The following PIK3C2A variants were observed in gnomAD, a reference collection of about 807,000 sequenced individuals.
PIK3C2A encodes the protein phosphatidylinositol 4-phosphate 3-kinase C2 domain-containing subunit alpha.
A neutral mutation model predicts 204.5 loss-of-function variants in PIK3C2A; 97 were observed. The ratio of observed to expected loss-of-function variants is 0.47; its 90% CI spans 0.40 to 0.56. The LOEUF is 0.56. PIK3C2A is among the 20% of genes least tolerant of loss of function. The pLI, the probability that PIK3C2A is intolerant of heterozygous loss-of-function variation, is 0.00. For missense variants in PIK3C2A, 1,735 were observed against 1,969.2 expected (o/e 0.88, Z 2.25); for synonymous variants, 653 against 664.4 (o/e 0.98, Z 0.26).
intron 1 of PIK3C2A, among the ~76,000 whole-genome samples, chr11:17,196,849 C>G (rs550818733): frequency 6.6e-6 from 1 of 151,874 alleles, no homozygotes; most frequent in East Asian, 1.9e-4. Context: ...GGATTACAGG[C>G]GTGAGAGGCG....
chr11:17,111,882 CAAAAAAA>C (rs201931743), intron 21 of PIK3C2A, among the ~76,000 whole-genome samples: 11 of 31,446 alleles, frequency 3.5e-4, no homozygotes, highest in African/African-American at 1.2e-3. Flanking sequence ...GTCTCCAAAA[CAAAAAAA>C]AAAAAAAAAA....
intron 27 of PIK3C2A, among the ~76,000 whole-genome samples, 156 bp from the exon 28 acceptor site, chr11:17,094,541 T>C (rs1223977433): frequency 3.3e-5 from 5 of 151,928 alleles, no homozygotes; most frequent in Non-Finnish European, 4.4e-5. Flanking sequence ...CTGGGCAACA[T>C]AGTAAAAGCA....
Position 17,197,173 on chromosome 11 carries a change from A to G in PIK3C2A, c.-66+10675T>C, listed in dbSNP as rs190483521. The stretch of plus-strand genomic sequence containing the variant: ...GTAGCTGGGATTATAGGCGAGCACC[A>G]CCATGCCTGGCTAATTTTTTATTTT... On this transcript the variant is annotated intron_variant, in intron 1 of 32. Transcript: ENST00000691414. Among the ~76,000 whole-genome samples, 531 of 152,090 alleles carry G rather than the reference A, an allele frequency of 3.5e-3. 2 individuals carry two copies. The highest frequency in any genetic ancestry group is 6.0e-3 in the Non-Finnish European group (407 of 67,978).
chr11:17,111,066 C>A (rs554604162), intron 21 of PIK3C2A, among the ~76,000 whole-genome samples: 25 of 152,122 alleles, frequency 1.6e-4, no homozygotes, highest in Admixed American at 1.4e-3. Flanking sequence ...TGCCACCACA[C>A]CTGGCTAATT....
At chr11:17,141,536 A>G (rs1479242401) in intron 8 of PIK3C2A, among the ~76,000 whole-genome samples, 1 of 152,224 alleles carries the variant, frequency 6.6e-6, no homozygotes, top group East Asian at 1.9e-4. Context: ...TTGGAAAACT[A>G]GACTAAGTAA....
chr11:17,204,190 A>G (rs1417258300), intron 1 of PIK3C2A: 1 of 152,224 alleles, frequency 6.6e-6, no homozygotes, highest in African/African-American at 2.4e-5. Flanking sequence ...GGCAGTTACT[A>G]GTTACATGGA....
At chr11:17,157,235 G>A (rs1433948692) in intron 2 of PIK3C2A, among the ~76,000 whole-genome samples, 1 of 151,946 alleles carries the variant, frequency 6.6e-6, no homozygotes, top group Non-Finnish European at 1.5e-5. Flanking sequence ...CAAGGCAGGC[G>A]GATCACCTGA....
Position 17,118,684 on chromosome 11 carries a change from C to T in PIK3C2A, c.2996G>A (p.Arg999Lys). 6 of 1,565,488 alleles carry T rather than the reference C, an allele frequency of 3.8e-6. No individual in the cohort carries two copies. Among genetic ancestry groups the T allele is most frequent in the Non-Finnish European group, 4.4e-6 (5 of 1,138,092 alleles). The change falls in exon 18 of 33, where the codon AGG (arginine) becomes AAG (lysine). Residue 999 changes from arginine to lysine, a missense_variant. Physicochemically the swap from Arg to Lys is conservative, Grantham distance 26. Coordinates refer to ENST00000691414, the MANE Select transcript of PIK3C2A (RefSeq NM_002645.4). ...TGCTATCTGGATATTTCCCAATGCC[C>T]TGGACAAAAGGAATTGCACTAATGA... ...NSSLVQFLLS[R>K]ALGNIQIAHN...
At chr11:17,159,567 T>A (rs1162326841) in intron 2 of PIK3C2A, among the ~76,000 whole-genome samples, 1 of 152,194 alleles carries the variant, frequency 6.6e-6, no homozygotes, top group Non-Finnish European at 1.5e-5. Flanking sequence ...GAACTCACTC[T>A]CTCTGTTAAC....
Position 17,148,706 on chromosome 11 carries a change from T to C in PIK3C2A, c.1409A>G (p.Tyr470Cys). 1.9e-6 allele frequency: 3 copies of C among 1,613,494 alleles called. No individual in the cohort carries two copies. The highest frequency in any genetic ancestry group is 1.1e-5 in the South Asian group (1 of 91,040). The change falls in exon 5 of 33, where the codon TAT becomes TGT. Residue 470 changes from tyrosine to cysteine, a missense_variant. By Grantham distance (194) the Tyr-to-Cys change is radical (BLOSUM62 -2). Transcript: ENST00000691414. ...CTCTTGACCACAAACTTTTAGAACA[T>C]AGCTGCCAACATCTACTTGATTCAA... ...DDLNQVDVGSYVLKVCGQEEV... is the reference protein window; with the variant it reads ...DDLNQVDVGSCVLKVCGQEEV...
intron 2 of PIK3C2A, among the ~76,000 whole-genome samples, chr11:17,165,133 A>G (rs1051414636): frequency 6.6e-6 from 1 of 152,138 alleles, no homozygotes; most frequent in Non-Finnish European, 1.5e-5. Flanking sequence ...TTTTGAGCTG[A>G]AAAGAAACTG....
chr11:17,165,523 C>T (rs1850913417), intron 2 of PIK3C2A, among the ~76,000 whole-genome samples: 1 of 151,462 alleles, frequency 6.6e-6, no homozygotes, highest in South Asian at 2.1e-4. Flanking sequence ...CGCCTGTAAT[C>T]CCAGCACGTT....
rs1849882069 is a variant in PIK3C2A, at chr11:17,136,619, G to A, written c.1711C>T (p.His571Tyr). The change falls in exon 9 of 33, where the codon CAC becomes TAC. Residue 571 changes from histidine to tyrosine, a missense_variant. His to Tyr is a moderately conservative substitution (Grantham distance 83). Coordinates refer to ENST00000691414, the MANE Select transcript of PIK3C2A (RefSeq NM_002645.4). ...TTAATTACTTGATCTACTGCTCGGT[G>A]TTGGTTCTTTAAAAATAAAAAATAA... is the stretch of plus-strand genomic sequence containing the variant. Reference protein sequence around the residue: ...VELALQIENQHRAVDQVIKAV... With the variant: ...VELALQIENQYRAVDQVIKAV... 6.5e-7 allele frequency: 1 copy of A among 1,538,530 alleles called. No individual in the cohort carries two copies. Among genetic ancestry groups the A allele is most frequent in the South Asian group, 1.2e-5 (1 of 82,094 alleles).
chr11:17,101,764 C>A (rs772576643), intron 24 of PIK3C2A, among the ~76,000 whole-genome samples: 4 of 150,974 alleles, frequency 2.6e-5, no homozygotes, highest in South Asian at 2.1e-4. Context: ...CCACCACGCC[C>A]GGCTAATTTT....
chr11:17,093,442 AT>A (rs1195688170), intron 28 of PIK3C2A, among the ~76,000 whole-genome samples: 1 of 150,846 alleles, frequency 6.6e-6, no homozygotes, highest in Non-Finnish European at 1.5e-5. Flanking sequence ...AATTTTTTGT[AT>A]TTTTTAGAAG....
In PIK3C2A at chr11:17,155,514, A is replaced by C. The variant is rs753283921; in HGVS notation, c.1169+12T>G. The C allele has an allele frequency of 9.5e-6, 14 of 1,468,740 alleles. No homozygotes were observed. In the Admixed American group the frequency reaches 2.4e-4, roughly 26 times the overall value. The allele number at this position is 1,468,740 out of a possible 1,614,324, so 91.0% of individuals were successfully genotyped here. A position where few individuals can be genotyped will look rare whatever the true frequency, so the allele number is the denominator to read the frequency against. ...TTTTTCAAATGAACATTTATAAAGA[A>C]AAATTCCTTACTTTGTAATGGATCG... On this transcript the variant is annotated intron_variant, in intron 3 of 32. Transcript: ENST00000691414.
At chr11:17,125,816 TAA>T (rs909457282) in intron 13 of PIK3C2A, among the ~76,000 whole-genome samples, 1 of 151,748 alleles carries the variant, frequency 6.6e-6, no homozygotes, top group Non-Finnish European at 1.5e-5. Flanking sequence ...AGATTTTCTA[TAA>T]AAAAAACTTT....
intron 1 of PIK3C2A, among the ~76,000 whole-genome samples, chr11:17,201,581 C>G (rs528258890): frequency 6.6e-6 from 1 of 150,626 alleles, no homozygotes; most frequent in South Asian, 2.1e-4. Flanking sequence ...TTCCCTAAAC[C>G]TACGTTTTAT....
chr11:17,110,323 G>C (rs915320194), intron 22 of PIK3C2A, 109 bp downstream of exon 22: 1 of 742,912 alleles, frequency 1.3e-6, no homozygotes, highest in Non-Finnish European at 2.2e-6. Flanking sequence ...ATTAAAATAA[G>C]AAACAACTGT....
Sources: gnomAD v4.1 joint callset for allele counts (sites outside exome capture counted in the v4.1 genomes callset) on GRCh38, gnomAD v4.1.1 for gene constraint, MANE v1.5 for transcripts, NCBI Gene and HGNC (gene_info 2026-07-23, HGNC 2026-07-21) for gene names.